Variants in CBFA2T3 observed in about 807,000 individuals in gnomAD.
The protein encoded by CBFA2T3 is transcriptional corepressor CBFA2T3.
CBFA2T3 carries 31 observed loss-of-function variants against 58.6 expected under a neutral mutation model. The ratio of observed to expected loss-of-function variants is 0.53; its 90% confidence interval spans 0.40 to 0.71. The LOEUF (loss-of-function observed/expected upper bound fraction) is 0.71, where lower values mean the gene tolerates loss of function less well. CBFA2T3 is among the 30% of genes least tolerant of loss of function. The probability of loss-of-function intolerance (pLI) is 0.00; values close to 1 mark genes in which losing one functional copy is unlikely to be tolerated. For synonymous variants in CBFA2T3, 531 were observed against 421.9 expected (o/e 1.26, Z -3.17); for missense variants, 1,076 against 963.1 (o/e 1.12, Z -1.55).
In CBFA2T3 at chr16:88,953,116, A is replaced by G. The variant is rs1323965397; in HGVS notation, c.151+23541T>C. ...CCGTCTGCCGGTTAGATCGGCCCCC[A>G]GTCCTGCTGGCCCCAGCGATGACAG... On this transcript the variant is annotated intron_variant, in intron 1 of 11. Coordinates refer to ENST00000268679, the MANE Select transcript of CBFA2T3 (RefSeq NM_005187.6). This position sits in a 1 kb window ranked among gnomAD's most constrained non-coding sequence, Gnocchi z 4.9. Among the ~76,000 whole-genome samples, 7 of 152,160 alleles carry G rather than the reference A, an allele frequency of 4.6e-5. No homozygotes were observed. The highest frequency in any genetic ancestry group is 8.8e-5 in the Non-Finnish European group (6 of 68,020).
At chr16:88,914,305 T>C (rs1240489574) in intron 1 of CBFA2T3, among the ~76,000 whole-genome samples, 1 of 152,102 alleles carries the variant, frequency 6.6e-6, no homozygotes, top group African/African-American at 2.4e-5. Context: ...TCGGAGGCCT[T>C]GGGGACAGGT....
chr16:88,920,122 G>C (rs1026718377), intron 1 of CBFA2T3, among the ~76,000 whole-genome samples: 5 of 152,186 alleles, frequency 3.3e-5, no homozygotes, highest in Admixed American at 3.3e-4. Context: ...CCCGAGGCCT[G>C]CCGTCCTCCC....
chr16:88,963,430 A>G (rs1332881484), intron 1 of CBFA2T3, among the ~76,000 whole-genome samples: 1 of 152,018 alleles, frequency 6.6e-6, no homozygotes, highest in Non-Finnish European at 1.5e-5. Flanking sequence ...AAAGTGCACA[A>G]TTCAGTGGTA....
At chr16:88,899,778 G>C (rs898695098) in intron 2 of CBFA2T3, among the ~76,000 whole-genome samples, 22 of 152,232 alleles carry the variant, frequency 1.4e-4, no homozygotes, top group African/African-American at 5.3e-4. Flanking sequence ...TCTGTGGAGC[G>C]GGTGTTTTAG....
At chr16:88,972,705 C>T (rs1972684086) in intron 1 of CBFA2T3, among the ~76,000 whole-genome samples, 1 of 152,218 alleles carries the variant, frequency 6.6e-6, no homozygotes, top group African/African-American at 2.4e-5. Flanking sequence ...CTGTGTGCCT[C>T]TCAGAACCTC....
chr16:88,957,084 A>C (rs1422894741), intron 1 of CBFA2T3, among the ~76,000 whole-genome samples: 1 of 152,186 alleles, frequency 6.6e-6, no homozygotes, highest in Non-Finnish European at 1.5e-5. Flanking sequence ...CTCTCCCGGA[A>C]CAAAACCGCC....
chr16:88,876,691 G>A lies in CBFA2T3; in HGVS notation c.*285C>T. The A allele has an allele frequency of 2.5e-6, 1 of 404,186 alleles. No homozygotes were observed. Among genetic ancestry groups the A allele is most frequent in the Non-Finnish European group, 4.4e-6 (1 of 228,900 alleles). The allele number at this position is 404,186 out of a possible 1,614,324, so 25.0% of individuals were successfully genotyped here. ...TGCGGCATCTGCTCTGCTGTCTAAA[G>A]CTCAGTCGAGGCTTCTGAGGATGCT... On this transcript the variant is annotated 3_prime_UTR_variant, in exon 12 of 12. Transcript: ENST00000268679.
intron 1 of CBFA2T3, among the ~76,000 whole-genome samples, chr16:88,901,959 C>T (rs1323874146): frequency 1.3e-5 from 2 of 152,226 alleles, no homozygotes; most frequent in East Asian, 3.9e-4. Context: ...TTCTACAGAC[C>T]AGGGAGTGGG....
intron 1 of CBFA2T3, among the ~76,000 whole-genome samples, chr16:88,925,976 C>A (rs999475116): frequency 1.3e-5 from 2 of 152,250 alleles, no homozygotes; most frequent in Admixed American, 1.3e-4. Flanking sequence ...CTGTCTCCCA[C>A]AGGCTGCAGC....
At chr16:88,935,682 G>T (rs2142784176) in intron 1 of CBFA2T3, among the ~76,000 whole-genome samples, 1 of 152,308 alleles carries the variant, frequency 6.6e-6, no homozygotes, top group African/African-American at 2.4e-5. Context: ...TGCAGACAAT[G>T]AACTTCTGTT....
Position 88,965,266 on chromosome 16 carries a change from T to G in CBFA2T3, c.151+11391A>C, listed in dbSNP as rs532017067. On this transcript the variant is annotated intron_variant, in intron 1 of 11. Transcript: ENST00000268679. ...AGATTGTTTTTCAGTGAGGACCAGT[T>G]CTGCCCTTTGTTTTTAAGGCAGCAT... 4.6e-5 allele frequency among the ~76,000 whole-genome samples: 7 copies of G among 152,374 alleles called. No homozygotes were observed. The South Asian group carries it at 1.4e-3, about 32-fold the overall frequency.
At chr16:88,910,117 A>C (rs1043377171) in intron 1 of CBFA2T3, among the ~76,000 whole-genome samples, 1 of 151,366 alleles carries the variant, frequency 6.6e-6, no homozygotes, top group African/African-American at 2.4e-5. Flanking sequence ...ACTACCCCAC[A>C]CCCGCCTGTG....
At chr16:88,962,072 C>T (rs1972376628) in intron 1 of CBFA2T3, among the ~76,000 whole-genome samples, 1 of 151,450 alleles carries the variant, frequency 6.6e-6, no homozygotes, top group South Asian at 2.1e-4. Flanking sequence ...GCTGGACATT[C>T]CCACTCCATA....
chr16:88,891,398 C>G (rs1003183406), intron 5 of CBFA2T3, among the ~76,000 whole-genome samples: 1 of 152,192 alleles, frequency 6.6e-6, no homozygotes, highest in South Asian at 2.1e-4. Flanking sequence ...TTCTCCACCA[C>G]GTGCAGCTGC....
At chr16:88,941,342 G>A (rs1438519927) in intron 1 of CBFA2T3, 2 of 191,112 alleles carry the variant, frequency 1.0e-5, no homozygotes, top group Non-Finnish European at 1.9e-5. Context: ...GCTCGCCCGA[G>A]AGTCTCACGG....
At chr16:88,955,242 G>A (rs369861203) in intron 1 of CBFA2T3, among the ~76,000 whole-genome samples, 1,471 of 3,892 alleles carry the variant, frequency 0.38, no homozygotes, top group Middle Eastern at 0.5. Flanking sequence ...CCTACCCAAG[G>A]CTCCTGACCC....
At chr16:88,956,018 A>C (rs1019178789) in intron 1 of CBFA2T3, among the ~76,000 whole-genome samples, 1 of 151,272 alleles carries the variant, frequency 6.6e-6, no homozygotes, top group Non-Finnish European at 1.5e-5. Flanking sequence ...GACCCCACCC[A>C]AGGATCCTGA....
chr16:88,972,278 G>A (rs910630578), intron 1 of CBFA2T3, among the ~76,000 whole-genome samples: 14 of 152,132 alleles, frequency 9.2e-5, no homozygotes, highest in African/African-American at 2.9e-4. Flanking sequence ...CAGTGAGGAC[G>A]TGCCCAGAGC....
At chr16:88,962,723 C>T (rs960793520) in intron 1 of CBFA2T3, among the ~76,000 whole-genome samples, 3 of 152,210 alleles carry the variant, frequency 2.0e-5, no homozygotes, top group Non-Finnish European at 1.5e-5. Flanking sequence ...GTGCTCGGCC[C>T]AGCCACGAAC....
Sources: allele counts gnomAD v4.1 joint callset (sites outside exome capture counted in the v4.1 genomes callset), GRCh38; gene constraint gnomAD v4.1.1; non-coding constraint Gnocchi (gnomAD v3.1); transcripts MANE v1.5; gene names NCBI Gene and HGNC (gene_info 2026-07-23, HGNC 2026-07-21).